The following SSC5D variants were observed in gnomAD, a reference collection of about 807,000 sequenced individuals.
The protein encoded by SSC5D is scavenger receptor cysteine rich family member with 5 domains.
A neutral mutation model predicts 104.6 loss-of-function variants in SSC5D; 106 were observed. That is an observed-to-expected ratio of 1.01 (90% CI 0.87 to 1.19). The LOEUF (loss-of-function observed/expected upper bound fraction) is 1.19. Among genes scored for constraint, SSC5D ranks in the 50% most tolerant of loss-of-function variants. SSC5D has a pLI of 0.00. For synonymous variants in SSC5D, 860 were observed against 883.5 expected, an observed-to-expected ratio of 0.97 and a Z score of 0.47; for missense variants, 1,993 against 2,153.8, an observed-to-expected ratio of 0.93 and a Z score of 1.48.
At chr19:55,515,382 G>C (rs1987847520) in intron 13 of SSC5D, among the ~76,000 whole-genome samples, 1 of 117,152 alleles carries the variant, frequency 8.5e-6, no homozygotes. Context: ...GGCAACAGGA[G>C]TGAAACTCCG....
Position 55,500,553 on chromosome 19 carries a change from A to G in SSC5D, c.2366A>G (p.His789Arg). The G allele has an allele frequency of 6.4e-7, 1 of 1,551,700 alleles. No individual in the cohort carries two copies. Among genetic ancestry groups the G allele is most frequent in the Non-Finnish European group, 8.7e-7 (1 of 1,146,980 alleles). ...TGTGCTGGCCGGCTGGAAGTGTGGC[A>G]TGCCGGACGCTGGGGAACAGTGTGT... ...NRCAGRLEVW[H>R]AGRWGTVCDD... Residue 789 changes from histidine to arginine, a missense_variant, in exon 11 of 14, where the codon CAT (histidine) becomes CGT (arginine). Coordinates refer to ENST00000389623, the MANE Select transcript of SSC5D (RefSeq NM_001144950.2). The surrounding 1 kb of genome is among the most constrained non-coding windows in gnomAD (Gnocchi z 4.6).
Position 55,488,503 on chromosome 19 carries a change from C to T in SSC5D, c.-87C>T. The T allele has an allele frequency of 2.5e-6, 3 of 1,184,382 alleles. No homozygotes were observed. The highest frequency in any genetic ancestry group is 3.7e-6 in the Non-Finnish European group (3 of 820,332). The allele number at this position is 1,184,382 out of a possible 1,614,324, so 73.4% of individuals were successfully genotyped here. ...CTGGGCGCCTCCAGCAGGCACTTCC[C>T]TCCCTCCCTCTCTCCCCAGCTGCCT... On this transcript the variant is annotated 5_prime_UTR_variant, in exon 1 of 14. Transcript: ENST00000389623.
chr19:55,490,800 C>A lies in SSC5D; in HGVS notation c.615C>A (p.His205Gln), dbSNP rs760822047. The A allele has an allele frequency of 4.6e-5, 71 of 1,544,162 alleles. 1 individual carries two copies. The Middle Eastern group carries it at 4.8e-3, about 105-fold the overall frequency. The stretch of plus-strand genomic sequence containing the variant: ...GGCTGCGCCTGGTCTCTGGCCCCCA[C>A]AGGTGCGCCGGACGCCTGGAGGTCT... ...QERLRLVSGP[H>Q]RCAGRLEVWH... Residue 205 changes from histidine to glutamine, a missense_variant, in exon 6 of 14, where the codon CAC becomes CAA. Physicochemically the swap from His to Gln is conservative, Grantham distance 24. Around this residue, in one of 6 missense-constraint regions of SSC5D, gnomAD observed 1,101 missense variants for 1,085.0 expected, o/e 1.01. Transcript: ENST00000389623.
In SSC5D at chr19:55,500,378, C is replaced by T. The variant is rs1187055884; in HGVS notation, c.2268C>T (p.Ala756=). 6 of 1,551,316 alleles carry T rather than the reference C, an allele frequency of 3.9e-6. No individual in the cohort carries two copies. Among genetic ancestry groups the T allele is most frequent in the Non-Finnish European group, 4.4e-6 (5 of 1,146,874 alleles). The change falls in exon 10 of 14, where the codon GCC becomes GCT. Residue 756 remains alanine, a synonymous_variant. Coordinates refer to ENST00000389623, the MANE Select transcript of SSC5D (RefSeq NM_001144950.2). The surrounding 1 kb of genome is among the most constrained non-coding windows in gnomAD (Gnocchi z 4.6). ...EGSPESPKDP[A]PSPSVSTTGE... ...CTCCAGAGTCACCCAAAGACCCGGC[C>T]CCCTCTCCCAGTGTTAGCACCACTG...
At position 55,500,349 on chromosome 19, in the gene SSC5D, G is replaced by A; in HGVS notation, c.2239G>A (p.Gly747Arg). Residue 747 changes from glycine to arginine, a missense_variant, in exon 10 of 14, where the codon GGG becomes AGG. Gly to Arg is a moderately radical substitution (Grantham distance 125). Coordinates refer to ENST00000389623, the MANE Select transcript of SSC5D (RefSeq NM_001144950.2). This position sits in a 1 kb window ranked among gnomAD's most constrained non-coding sequence, Gnocchi z 4.6. ...SLEPSAEIPE[G>R]SPESPKDPAP... ...GGAGCCATCTGCTGAGATCCCAGAA[G>A]GGTCTCCAGAGTCACCCAAAGACCC... 1 of 1,551,534 alleles carries A rather than the reference G, an allele frequency of 6.4e-7. No homozygotes were observed. Among genetic ancestry groups the A allele is most frequent in the Non-Finnish European group, 8.7e-7 (1 of 1,146,996 alleles).
At chr19:55,509,343 A>G (rs1471243852) in intron 12 of SSC5D, among the ~76,000 whole-genome samples, 2 of 152,186 alleles carry the variant, frequency 1.3e-5, no homozygotes, top group African/African-American at 4.8e-5. Context: ...ATCTGCTTCC[A>G]TACAGCAATT....
chr19:55,511,628 G>T (rs1987758475), intron 12 of SSC5D, among the ~76,000 whole-genome samples: 1 of 152,178 alleles, frequency 6.6e-6, no homozygotes, highest in African/African-American at 2.4e-5. Context: ...ATTGCTTGTG[G>T]AAGCAGGCAT....
chr19:55,507,682 A>AG (rs1417307472), intron 12 of SSC5D, among the ~76,000 whole-genome samples: 6 of 151,040 alleles, frequency 4.0e-5, no homozygotes, highest in Admixed American at 6.6e-5. Context: ...AAAAAAAAAA[A>AG]AAAAAAGAAA....
At chr19:55,498,728 T>TAG (rs1250282056) in intron 9 of SSC5D, among the ~76,000 whole-genome samples, 1 of 152,262 alleles carries the variant, frequency 6.6e-6, no homozygotes, top group East Asian at 1.9e-4. Context: ...ACAGCTCATG[T>TAG]AGAGAAATAC....
chr19:55,493,370 C>G (rs1174243787), intron 6 of SSC5D, among the ~76,000 whole-genome samples: 5 of 113,362 alleles, frequency 4.4e-5, no homozygotes, highest in Non-Finnish European at 9.0e-5. Context: ...GAGCTCCCAG[C>G]GTCCCCAGCC....
chr19:55,514,627 A>G (rs1987832291), intron 13 of SSC5D, among the ~76,000 whole-genome samples: 1 of 150,534 alleles, frequency 6.6e-6, no homozygotes, highest in Admixed American at 6.6e-5. Context: ...GAGAGAGAGA[A>G]GAAGGGAGGA....
chr19:55,513,584 A>G (rs1350337037), intron 13 of SSC5D, among the ~76,000 whole-genome samples: 1 of 152,170 alleles, frequency 6.6e-6, no homozygotes, highest in African/African-American at 2.4e-5. Flanking sequence ...AAAGACAAAA[A>G]CAGAACCAAG....
chr19:55,498,759 C>T (rs4801704), intron 9 of SSC5D, among the ~76,000 whole-genome samples: 60,494 of 152,114 alleles, frequency 0.4, 12,633 homozygotes, highest in South Asian at 0.56. Flanking sequence ...CATTGCAAAC[C>T]TGTGTGACTC....
intron 12 of SSC5D, among the ~76,000 whole-genome samples, chr19:55,509,715 T>G (rs1234455249): frequency 2.0e-5 from 3 of 150,968 alleles, no homozygotes; most frequent in Non-Finnish European, 4.4e-5. Context: ...AAAAATTAGC[T>G]GGGCATGGTG....
At chr19:55,502,320 T>C (rs1987526026) in intron 12 of SSC5D, among the ~76,000 whole-genome samples, 1 of 152,224 alleles carries the variant, frequency 6.6e-6, no homozygotes, top group Admixed American at 6.5e-5. Context: ...ATTTTTTTCA[T>C]GGTAATTTCT....
intron 8 of SSC5D, among the ~76,000 whole-genome samples, chr19:55,496,921 G>A (rs529313932): frequency 2.0e-5 from 3 of 152,170 alleles, no homozygotes; most frequent in South Asian, 4.1e-4. Flanking sequence ...GCCCATGCCT[G>A]GCTAATTTTT....
At chr19:55,508,412 C>T (rs1429044951) in intron 12 of SSC5D, among the ~76,000 whole-genome samples, 4 of 152,098 alleles carry the variant, frequency 2.6e-5, no homozygotes, top group Admixed American at 1.3e-4. Context: ...ATGGGCCAGG[C>T]GCTGTTCAAA....
At chr19:55,493,987 CGGGG>C in intron 7 of SSC5D, 75 bp downstream of exon 7, 1 of 206,422 alleles carries the variant, frequency 4.8e-6, no homozygotes, top group Non-Finnish European at 6.9e-6. Context: ...TCGGCGGGGG[CGGGG>C]GGGTCCCTAC....
At position 55,493,756 on chromosome 19, in the gene SSC5D, G is replaced by GC; in HGVS notation, c.1062dup (p.Gly355ArgfsTer38). The GC allele has an allele frequency of 6.6e-7, 1 of 1,526,604 alleles. No individual in the cohort carries two copies. Among genetic ancestry groups the GC allele is most frequent in the Non-Finnish European group, 8.8e-7 (1 of 1,138,258 alleles). The allele number at this position is 1,526,604 out of a possible 1,614,324, so 94.6% of individuals were successfully genotyped here. ...GCTGGGCTGCGGAGGGGCGCTGGCC[G>GC]CCCCCGGGGGCGCCTTCTTTGGGGA... is the stretch of plus-strand genomic sequence containing the variant. On this transcript the variant is annotated frameshift_variant, in exon 7 of 14. Coordinates refer to ENST00000389623, the MANE Select transcript of SSC5D (RefSeq NM_001144950.2). LOFTEE classifies it high-confidence loss of function.
Sources: allele counts gnomAD v4.1 joint callset (sites outside exome capture counted in the v4.1 genomes callset), GRCh38; gene constraint gnomAD v4.1.1; regional missense constraint gnomAD v4.1.1; non-coding constraint Gnocchi (gnomAD v3.1); transcripts MANE v1.5; gene names NCBI Gene and HGNC (gene_info 2026-07-23, HGNC 2026-07-21).